Variants in RREB1 observed in about 807,000 individuals in gnomAD.
RREB1 encodes the protein ras-responsive element-binding protein 1.
In RREB1, 27 loss-of-function variants were observed where a neutral mutation model predicts 117.8. The ratio of observed to expected loss-of-function variants is 0.23; its 90% CI spans 0.17 to 0.32. The LOEUF (loss-of-function observed/expected upper bound fraction) is 0.32, where lower values mean the gene tolerates loss of function less well. Among genes scored for constraint, RREB1 ranks in the 10% least tolerant of loss-of-function variants. The pLI is 1.00. For missense variants in RREB1, 2,577 were observed against 2,378.2 expected, an observed-to-expected ratio of 1.08 and a Z score of -1.74; for synonymous variants, 1,298 against 1,026.7, an observed-to-expected ratio of 1.26 and a Z score of -5.05.
At chr6:7,210,463 C>G (rs1766519453) in intron 6 of RREB1, among the ~76,000 whole-genome samples, 1 of 152,162 alleles carries the variant, frequency 6.6e-6, no homozygotes, top group African/African-American at 2.4e-5. Context: ...ATTCTTTATT[C>G]TATAGAATTC....
chr6:7,143,053 CAAATG>C (rs975967321), intron 1 of RREB1, among the ~76,000 whole-genome samples: 2 of 152,142 alleles, frequency 1.3e-5, no homozygotes. Context: ...TGTCTTGAGA[CAAATG>C]AATACATTTG....
At position 7,229,049 on chromosome 6, in the gene RREB1, T is replaced by A; in HGVS notation, c.950T>A (p.Val317Asp). 1 of 1,561,504 alleles carries A rather than the reference T, an allele frequency of 6.4e-7. No individual in the cohort carries two copies. The highest frequency in any genetic ancestry group is 8.7e-7 in the Non-Finnish European group (1 of 1,148,190). Residue 317 changes from valine to aspartate, a missense_variant, in exon 10 of 13, where the codon GTC (valine) becomes GAC (aspartate). Val to Asp is a radical substitution (Grantham distance 152, BLOSUM62 -3). Coordinates refer to ENST00000379938, the MANE Select transcript of RREB1 (RefSeq NM_001003699.4). The surrounding 1 kb of genome is among the most constrained non-coding windows in gnomAD (Gnocchi z 4.5). ...TGCATCAGCGAGCAACACCGTTTTG[T>A]CTGCGACACCTGTGACAAGGCGTTC... ...RRCISEQHRF[V>D]CDTCDKAFPM...
chr6:7,143,856 T>C (rs199863364), intron 1 of RREB1, among the ~76,000 whole-genome samples: 5,276 of 147,654 alleles, frequency 0.036, 214 homozygotes, highest in African/African-American at 0.1. Context: ...TCTTTCTTTT[T>C]TTTTTTTTTT....
chr6:7,147,646 C>T (rs1033241942), intron 1 of RREB1, among the ~76,000 whole-genome samples: 1 of 152,192 alleles, frequency 6.6e-6, no homozygotes, highest in Non-Finnish European at 1.5e-5. Flanking sequence ...TGTCTGCCTC[C>T]ATCAAGCTTC....
chr6:7,236,511 T>A (rs1328464868), intron 10 of RREB1, among the ~76,000 whole-genome samples: 1 of 152,204 alleles, frequency 6.6e-6, no homozygotes, highest in Non-Finnish European at 1.5e-5. Context: ...TTTGGCCGTT[T>A]GTACCCAGTC....
chr6:7,129,652 A>C (rs568050873), intron 1 of RREB1, among the ~76,000 whole-genome samples: 1 of 152,368 alleles, frequency 6.6e-6, no homozygotes, highest in South Asian at 2.1e-4. Flanking sequence ...AGACTTGTTG[A>C]AAAGCTGAAT....
intron 8 of RREB1, among the ~76,000 whole-genome samples, chr6:7,224,939 C>G (rs1266708357): frequency 6.6e-6 from 1 of 152,046 alleles, no homozygotes. Flanking sequence ...CCTTCCTGAA[C>G]AGGGGAGCCA....
chr6:7,164,401 CT>C (rs1458449745), intron 1 of RREB1, among the ~76,000 whole-genome samples: 3 of 152,142 alleles, frequency 2.0e-5, no homozygotes, highest in African/African-American at 7.2e-5. Flanking sequence ...TTAGGAAGAT[CT>C]TTTGTATCCC....
At chr6:7,120,010 C>CT (rs1413593341) in intron 1 of RREB1, among the ~76,000 whole-genome samples, 1 of 152,052 alleles carries the variant, frequency 6.6e-6, no homozygotes, top group East Asian at 1.9e-4. Context: ...GATGATGCCT[C>CT]TGACAGTGAA....
chr6:7,247,068 T>C lies in RREB1; in HGVS notation c.4618T>C (p.Ser1540Pro), dbSNP rs1405676698. Residue 1540 changes from serine to proline, a missense_variant, in exon 12 of 13, where the codon TCC becomes CCC. Ser to Pro is a moderately conservative substitution (Grantham distance 74). Coordinates refer to ENST00000379938, the MANE Select transcript of RREB1 (RefSeq NM_001003699.4). Reference sequence around the variant, plus strand: ...CGGGGAGAGCGCGGCCGAGAAAAGGTCCTCAGAGAAGAGCGACGATGACAA... The same window carrying C: ...CGGGGAGAGCGCGGCCGAGAAAAGGCCCTCAGAGAAGAGCGACGATGACAA... Reference protein sequence around the residue: ...SDGESAAEKRSSEKSDDDKKP... With the variant: ...SDGESAAEKRPSEKSDDDKKP... 6.2e-7 allele frequency: 1 copy of C among 1,612,186 alleles called. No homozygotes were observed. Among genetic ancestry groups the C allele is most frequent in the African/African-American group, 1.3e-5 (1 of 74,488 alleles).
At chr6:7,201,503 C>CG (rs1174624340) in intron 6 of RREB1, among the ~76,000 whole-genome samples, 2 of 142,490 alleles carry the variant, frequency 1.4e-5, no homozygotes, top group East Asian at 4.2e-4. Context: ...GTCCCCCCCC[C>CG]CCAACCCCCA....
chr6:7,123,868 C>T (rs1296049379), intron 1 of RREB1, among the ~76,000 whole-genome samples: 1 of 152,080 alleles, frequency 6.6e-6, no homozygotes, highest in Non-Finnish European at 1.5e-5. Context: ...GCCTCGGCCT[C>T]CCAAAGTACT....
chr6:7,110,553 T>A (rs985204437), intron 1 of RREB1, among the ~76,000 whole-genome samples: 1 of 152,136 alleles, frequency 6.6e-6, no homozygotes, highest in African/African-American at 2.4e-5. Flanking sequence ...TGATGGGTCC[T>A]GCTTTGATGT....
chr6:7,244,922 T>C (rs756793125), intron 11 of RREB1, among the ~76,000 whole-genome samples: 4 of 152,166 alleles, frequency 2.6e-5, no homozygotes, highest in Admixed American at 6.5e-5. Context: ...TGGATGCAGG[T>C]TGACATTGTA....
chr6:7,204,625 A>G (rs539209533), intron 6 of RREB1, among the ~76,000 whole-genome samples: 1 of 152,284 alleles, frequency 6.6e-6, no homozygotes, highest in South Asian at 2.1e-4. Context: ...CCAGCTTGGC[A>G]GGTCCTGGGC....
chr6:7,141,422 C>A (rs73372694), intron 1 of RREB1, among the ~76,000 whole-genome samples: 1 of 152,172 alleles, frequency 6.6e-6, no homozygotes, highest in East Asian at 1.9e-4. Flanking sequence ...ATAATAAATT[C>A]CTCTTAGGGA....
intron 1 of RREB1, among the ~76,000 whole-genome samples, chr6:7,119,403 A>G (rs1157042954): frequency 3.9e-5 from 6 of 152,126 alleles, no homozygotes; most frequent in Admixed American, 3.9e-4. Flanking sequence ...TTTTATATAC[A>G]CGTGCTAAGT....
chr6:7,134,771 G>A (rs1483417767), intron 1 of RREB1, among the ~76,000 whole-genome samples: 1 of 152,222 alleles, frequency 6.6e-6, no homozygotes, highest in African/African-American at 2.4e-5. Context: ...CCTAGAGGAA[G>A]ACAGATCCTG....
At position 7,230,586 on chromosome 6, in the gene RREB1, C is replaced by G; in HGVS notation, c.2487C>G (p.Asp829Glu). The change falls in exon 10 of 13, where the codon GAC becomes GAG. Residue 829 changes from aspartate to glutamate, a missense_variant. Transcript: ENST00000379938. The stretch of plus-strand genomic sequence containing the variant: ...TCGAGAGCTACGTGCTGGCCGCCGA[C>G]GGCCTGGGCCCCGCAGAGGCGCCGG... The part of the protein sequence containing the change: ...QDIESYVLAA[D>E]GLGPAEAPAA... The G allele has an allele frequency of 3.7e-6, 6 of 1,603,408 alleles. No individual in the cohort carries two copies. Among genetic ancestry groups the G allele is most frequent in the Non-Finnish European group, 5.1e-6 (6 of 1,175,858 alleles).
Sources: allele counts gnomAD v4.1 joint callset (sites outside exome capture counted in the v4.1 genomes callset), GRCh38; gene constraint gnomAD v4.1.1; non-coding constraint Gnocchi (gnomAD v3.1); transcripts MANE v1.5; gene names NCBI Gene and HGNC (gene_info 2026-07-23, HGNC 2026-07-21).